Variants in TUT7 observed in about 807,000 individuals in gnomAD.
TUT7 encodes the protein terminal uridylyltransferase 7.
In TUT7, 33 loss-of-function variants were observed where a neutral mutation model predicts 165.9. The observed-to-expected ratio is 0.20, with a 90% CI of 0.15 to 0.27. TUT7 has a LOEUF of 0.27. Ranked by LOEUF, TUT7 falls within the 10% of genes least tolerant of loss-of-function variation. The pLI is 1.00. For synonymous variants in TUT7, 552 were observed against 608.1 expected, an observed-to-expected ratio of 0.91 and a Z score of 1.36; for missense variants, 1,338 against 1,762.3, an observed-to-expected ratio of 0.76 and a Z score of 4.31.
At chr9:86,352,431 G>C (rs1832383037) in intron 2 of TUT7, 2 of 568,616 alleles carry the variant, frequency 3.5e-6, no homozygotes, top group East Asian at 6.0e-5. Flanking sequence ...CAGAAAACAT[G>C]TTTACTGACG....
chr9:86,346,441 T>A lies in TUT7; in HGVS notation c.560A>T (p.Lys187Met), dbSNP rs1215013588. 3 of 1,614,028 alleles carry A rather than the reference T, an allele frequency of 1.9e-6. No individual in the cohort carries two copies. In the Admixed American group the frequency reaches 5.0e-5, roughly 27 times the overall value. The change falls in exon 3 of 27, where the codon AAG (lysine) becomes ATG (methionine). Residue 187 changes from lysine to methionine, a missense_variant. Lys to Met is a moderately conservative substitution (Grantham distance 95). Coordinates refer to ENST00000375963, the MANE Select transcript of TUT7 (RefSeq NM_024617.4). ...KQRSRPRKPR[K>M]TRNEENEQDG... ...CTGCTCATTTTCCTCATTTCTAGTC[T>A]TCCGTGGCTTCCTAGGTCTGGACCT...
Position 86,301,573 on chromosome 9 carries a change from C to T in TUT7, c.4123G>A (p.Ala1375Thr). ...KVRRRRDQED[A>T]LNQRYPENKE... ...TTCTCAGGGTATCTTTGGTTCAGGG[C>T]ATCTTCCTGATCTCGCCGCCGTCTT... The change falls in exon 26 of 27, where the codon GCC becomes ACC. Residue 1375 changes from alanine to threonine, a missense_variant. By Grantham distance (58) the Ala-to-Thr change is moderately conservative. Transcript: ENST00000375963. 1 of 1,613,588 alleles carries T rather than the reference C, an allele frequency of 6.2e-7. No homozygotes were observed. The highest frequency in any genetic ancestry group is 8.5e-7 in the Non-Finnish European group (1 of 1,179,942).
Position 86,309,636 on chromosome 9 carries a change from A to G in TUT7, c.3469-60T>C, listed in dbSNP as rs1587888100. ...TCTGTTTTCTGCTAACTTTGCATCC[A>G]TTCTGTTATCACTAAAAGTAAAGTG... On this transcript the variant is annotated intron_variant, in intron 19 of 26. Coordinates refer to ENST00000375963, the MANE Select transcript of TUT7 (RefSeq NM_024617.4). 5 of 1,350,246 alleles carry G rather than the reference A, an allele frequency of 3.7e-6. No individual in the cohort carries two copies. The East Asian group carries it at 1.1e-4, about 31-fold the overall frequency. The allele number at this position is 1,350,246 out of a possible 1,614,324, so 83.6% of individuals were successfully genotyped here.
intron 2 of TUT7, among the ~76,000 whole-genome samples, chr9:86,349,686 CTTTTTA>C (rs1178475586): frequency 1.3e-5 from 2 of 152,058 alleles, no homozygotes; most frequent in Non-Finnish European, 2.9e-5. Context: ...TAATGAGATC[CTTTTTA>C]GTTTATACTT....
At chr9:86,306,670 G>A (rs1157565710) in intron 22 of TUT7, among the ~76,000 whole-genome samples, 2 of 152,078 alleles carry the variant, frequency 1.3e-5, no homozygotes, top group Admixed American at 1.3e-4. Flanking sequence ...AGCCAGGCTT[G>A]GTGGTGTGTG....
intron 22 of TUT7, among the ~76,000 whole-genome samples, chr9:86,305,753 T>C (rs1827401464): frequency 6.6e-6 from 1 of 152,142 alleles, no homozygotes; most frequent in South Asian, 2.1e-4. Flanking sequence ...AACACACTTA[T>C]AAAACACACA....
chr9:86,287,737 A>T lies in TUT7; in HGVS notation c.*940T>A, dbSNP rs1239414198. 1 of 151,940 alleles carries T rather than the reference A, an allele frequency of 6.6e-6. No individual in the cohort carries two copies. The highest frequency in any genetic ancestry group is 2.4e-5 in the African/African-American group (1 of 41,332). The allele number at this position is 151,940 out of a possible 1,614,324, so 9.4% of individuals were successfully genotyped here. A position where few individuals can be genotyped will look rare whatever the true frequency, so the allele number is the denominator to read the frequency against. ...TAGAAAATAATGTAGATAAAATTACAGGTTGAAATTCTGATTTTATTTCAA... is the reference window on the plus strand; with the variant it reads ...TAGAAAATAATGTAGATAAAATTACTGGTTGAAATTCTGATTTTATTTCAA... On this transcript the variant is annotated 3_prime_UTR_variant, in exon 27 of 27. Transcript: ENST00000375963.
At chr9:86,290,729 G>A (rs1587832437) in intron 26 of TUT7, among the ~76,000 whole-genome samples, 3 of 151,518 alleles carry the variant, frequency 2.0e-5, no homozygotes, top group African/African-American at 7.3e-5. Context: ...TTATGGCAGT[G>A]GCACACTAGT....
At chr9:86,322,244 TA>T in intron 14 of TUT7, 80 bp downstream of exon 14, 1 of 1,348,650 alleles carries the variant, frequency 7.4e-7, no homozygotes, top group Non-Finnish European at 1.0e-6. Context: ...TTTAGAGACC[TA>T]AATAGGATAG....
Position 86,323,625 on chromosome 9 carries a change from T to C in TUT7, c.2125A>G (p.Lys709Glu). 1 of 1,614,238 alleles carries C rather than the reference T, an allele frequency of 6.2e-7. No homozygotes were observed. Among genetic ancestry groups the C allele is most frequent in the Non-Finnish European group, 8.5e-7 (1 of 1,180,048 alleles). ...ATGTGTTCATTTCCCATTTCTTCTT[T>C]TGGTGGGCTTCCAAAACTTTCAGCA... ...ETAESFGSPPKEEMGNEHISV... is the reference protein window; with the variant it reads ...ETAESFGSPPEEEMGNEHISV... The change falls in exon 13 of 27, where the codon AAA (lysine) becomes GAA (glutamate). Residue 709 changes from lysine to glutamate, a missense_variant. By Grantham distance (56) the Lys-to-Glu change is moderately conservative. Coordinates refer to ENST00000375963, the MANE Select transcript of TUT7 (RefSeq NM_024617.4).
chr9:86,307,412 G>A (rs1403066431), intron 22 of TUT7, among the ~76,000 whole-genome samples: 1 of 152,138 alleles, frequency 6.6e-6, no homozygotes, highest in Non-Finnish European at 1.5e-5. Flanking sequence ...TGTAACCCAT[G>A]GTGATCTGAA....
intron 26 of TUT7, among the ~76,000 whole-genome samples, chr9:86,291,400 G>A (rs536256581): frequency 1.3e-5 from 2 of 151,948 alleles, no homozygotes; most frequent in Non-Finnish European, 2.9e-5. Context: ...GTGAAACCCT[G>A]TCTCTACTAA....
intron 19 of TUT7, 119 bp downstream of exon 19, chr9:86,309,809 A>G: frequency 1.8e-6 from 2 of 1,084,196 alleles, no homozygotes. Context: ...GGGTCTCCCA[A>G]ATAGCTACAT....
At chr9:86,301,123 G>T (rs765527304) in intron 26 of TUT7, among the ~76,000 whole-genome samples, 153 bp downstream of exon 26, 1 of 152,180 alleles carries the variant, frequency 6.6e-6, no homozygotes, top group East Asian at 1.9e-4. Context: ...CATTAAAGGA[G>T]GGGGAAGGGA....
intron 20 of TUT7, 58 bp downstream of exon 20, chr9:86,309,405 G>A: frequency 6.6e-7 from 1 of 1,504,824 alleles, no homozygotes; most frequent in Non-Finnish European, 9.1e-7. Context: ...TAGAGGAGGA[G>A]AAAGGCTCAG....
chr9:86,325,695 C>T (rs1418178448), intron 11 of TUT7, among the ~76,000 whole-genome samples, 181 bp from the exon 12 acceptor site: 1 of 152,212 alleles, frequency 6.6e-6, no homozygotes, highest in Non-Finnish European at 1.5e-5. Context: ...AACAGCATTA[C>T]TTCACTGCAC....
At chr9:86,305,153 G>T in intron 23 of TUT7, 39 bp downstream of exon 23, 1 of 1,536,476 alleles carries the variant, frequency 6.5e-7, no homozygotes, top group East Asian at 2.3e-5. Context: ...AAATACATAA[G>T]TAAAATAAAA....
chr9:86,324,559 T>C (rs1829618473), intron 12 of TUT7: 1 of 152,086 alleles, frequency 6.6e-6, no homozygotes, highest in African/African-American at 2.4e-5. Context: ...GAGATCCCCA[T>C]GACTGCACAC....
At chr9:86,319,160 A>G in intron 15 of TUT7, 102 bp from the exon 16 acceptor site, 1 of 716,114 alleles carries the variant, frequency 1.4e-6, no homozygotes, top group South Asian at 1.9e-5. Context: ...TTGTTTAATT[A>G]TCCTATATTA....
Sources: gnomAD v4.1 joint callset for allele counts (sites outside exome capture counted in the v4.1 genomes callset) on GRCh38, gnomAD v4.1.1 for gene constraint, MANE v1.5 for transcripts, NCBI Gene and HGNC (gene_info 2026-07-23, HGNC 2026-07-21) for gene names.